EXOC4: variants seen among roughly 807,000 people sequenced by gnomAD.
EXOC4 encodes the protein SEC8-like 1.
In EXOC4, 71 loss-of-function variants were observed where a neutral mutation model predicts 107.2. The observed-to-expected ratio is 0.66, with a 90% CI of 0.55 to 0.81. The LOEUF (loss-of-function observed/expected upper bound fraction) is 0.81, where lower values mean the gene tolerates loss of function less well. EXOC4 is among the 30% of genes least tolerant of loss of function. The probability of loss-of-function intolerance (pLI) is 0.00; values close to 1 mark genes in which losing one functional copy is unlikely to be tolerated. For missense variants in EXOC4, 1,108 were observed against 1,189.6 expected, an observed-to-expected ratio of 0.93 and a Z score of 1.01; for synonymous variants, 456 against 441.2, an observed-to-expected ratio of 1.03 and a Z score of -0.42.
intron 17 of EXOC4, among the ~76,000 whole-genome samples, chr7:134,029,934 A>G (rs973329468): frequency 4.6e-5 from 7 of 152,214 alleles, no homozygotes; most frequent in Non-Finnish European, 8.8e-5. Flanking sequence ...GTACAAGCAT[A>G]TGATTTAAAC....
intron 9 of EXOC4, among the ~76,000 whole-genome samples, chr7:133,508,265 A>G (rs1265019766): frequency 1.3e-5 from 2 of 152,126 alleles, no homozygotes; most frequent in Non-Finnish European, 2.9e-5. Context: ...GGGTGCATCA[A>G]ATGCCTGGAG....
chr7:133,645,401 C>G (rs1802966057), intron 10 of EXOC4, among the ~76,000 whole-genome samples: 1 of 151,772 alleles, frequency 6.6e-6, no homozygotes, highest in Non-Finnish European at 1.5e-5. Context: ...CCTCTATCAC[C>G]TCTCTTATTC....
At chr7:133,354,575 C>G (rs893823209) in intron 5 of EXOC4, among the ~76,000 whole-genome samples, 1 of 152,094 alleles carries the variant, frequency 6.6e-6, no homozygotes, top group East Asian at 1.9e-4. Context: ...GAATTTACTT[C>G]AGCAAGAGTA....
chr7:133,774,833 G>A (rs895925756), intron 10 of EXOC4, among the ~76,000 whole-genome samples: 1 of 151,984 alleles, frequency 6.6e-6, no homozygotes, highest in Non-Finnish European at 1.5e-5. Context: ...AATTCACATT[G>A]TCAATTCAAA....
At chr7:133,647,993 T>C (rs1803036496) in intron 10 of EXOC4, among the ~76,000 whole-genome samples, 1 of 152,176 alleles carries the variant, frequency 6.6e-6, no homozygotes, top group Non-Finnish European at 1.5e-5. Context: ...TCTATTAGTT[T>C]TGCTTCTAAA....
intron 9 of EXOC4, among the ~76,000 whole-genome samples, chr7:133,590,239 A>G (rs1801509452): frequency 6.6e-6 from 1 of 151,608 alleles, no homozygotes; most frequent in Non-Finnish European, 1.5e-5. Context: ...TATCAATTTC[A>G]CCACTCTTCC....
intron 10 of EXOC4, among the ~76,000 whole-genome samples, chr7:133,777,256 G>A (rs191356678): frequency 6.8e-6 from 1 of 147,288 alleles, no homozygotes; most frequent in East Asian, 2.0e-4. Context: ...TTCTAGGCCT[G>A]TGCTTAGTCT....
intron 8 of EXOC4, among the ~76,000 whole-genome samples, chr7:133,478,199 G>T (rs185451044): frequency 6.6e-6 from 1 of 150,524 alleles, no homozygotes; most frequent in East Asian, 1.9e-4. Flanking sequence ...CAGAAAACAG[G>T]CTTTAGGGTT....
chr7:133,855,654 C>T (rs2058386741), intron 11 of EXOC4, among the ~76,000 whole-genome samples: 1 of 152,120 alleles, frequency 6.6e-6, no homozygotes. Context: ...GTACCTTTCT[C>T]TTTGGGAGGA....
chr7:133,483,350 A>G (rs1439356862), intron 9 of EXOC4, among the ~76,000 whole-genome samples: 1 of 152,214 alleles, frequency 6.6e-6, no homozygotes, highest in African/African-American at 2.4e-5. Flanking sequence ...CTCTGCAGTT[A>G]TAAGCTTTAT....
chr7:133,338,580 C>A (rs809872), intron 5 of EXOC4, among the ~76,000 whole-genome samples: 128,089 of 128,090 alleles, frequency 1, 64,044 homozygotes, highest in Non-Finnish European at 1. Flanking sequence ...GACCTGGGCG[C>A]CAGAGCGAGA....
chr7:133,506,563 A>G (rs1165385642), intron 9 of EXOC4, among the ~76,000 whole-genome samples: 3 of 152,152 alleles, frequency 2.0e-5, no homozygotes, highest in African/African-American at 4.8e-5. Flanking sequence ...TTTTATGAAC[A>G]TCTGTGATAC....
intron 11 of EXOC4, among the ~76,000 whole-genome samples, chr7:133,824,961 G>A (rs776056258): frequency 4.6e-5 from 7 of 152,052 alleles, no homozygotes; most frequent in Non-Finnish European, 8.8e-5. Context: ...TTTGGAGGGA[G>A]ACACTATTCA....
At chr7:133,818,726 TCTC>T (rs1262200844) in intron 11 of EXOC4, among the ~76,000 whole-genome samples, 1 of 152,094 alleles carries the variant, frequency 6.6e-6, no homozygotes, top group Non-Finnish European at 1.5e-5. Context: ...GCTGGGGTCT[TCTC>T]CTCTCTGGGT....
At chr7:133,811,788 T>C (rs1585165255) in intron 10 of EXOC4, among the ~76,000 whole-genome samples, 1 of 152,210 alleles carries the variant, frequency 6.6e-6, no homozygotes, top group Non-Finnish European at 1.5e-5. Flanking sequence ...GGATGATTTT[T>C]TAAAAATTTT....
chr7:133,618,517 TG>T (rs1353793059), intron 9 of EXOC4, among the ~76,000 whole-genome samples: 27 of 152,212 alleles, frequency 1.8e-4, no homozygotes, highest in African/African-American at 6.5e-4. Flanking sequence ...TGGGTTTACA[TG>T]TAAGTGTGCT....
At chr7:133,548,106 A>G (rs549156423) in intron 9 of EXOC4, among the ~76,000 whole-genome samples, 1 of 152,210 alleles carries the variant, frequency 6.6e-6, no homozygotes, top group African/African-American at 2.4e-5. Flanking sequence ...ATTAGCAGAC[A>G]TGAAAACAAT....
chr7:133,772,607 A>G (rs1585134557), intron 10 of EXOC4, among the ~76,000 whole-genome samples: 1 of 152,064 alleles, frequency 6.6e-6, no homozygotes, highest in African/African-American at 2.4e-5. Flanking sequence ...TTTATCAAAC[A>G]TCATTATAAC....
At chr7:133,677,819 T>C (rs1794098284) in intron 10 of EXOC4, among the ~76,000 whole-genome samples, 1 of 152,118 alleles carries the variant, frequency 6.6e-6, no homozygotes, top group Admixed American at 6.5e-5. Flanking sequence ...GTATTAGTTG[T>C]AACTGAGGGA....
Sources: gnomAD v4.1 joint callset for allele counts (sites outside exome capture counted in the v4.1 genomes callset) on GRCh38, gnomAD v4.1.1 for gene constraint, MANE v1.5 for transcripts, NCBI Gene and HGNC (gene_info 2026-07-23, HGNC 2026-07-21) for gene names.